The following MYT1L variants were observed in gnomAD, a reference collection of about 807,000 sequenced individuals.
MYT1L encodes the protein myelin transcription factor 1-like protein.
A neutral mutation model predicts 126.7 loss-of-function variants in MYT1L; 12 were observed. That is an observed-to-expected ratio of 0.09 (90% CI 0.06 to 0.15). MYT1L has a LOEUF of 0.15. MYT1L is among the 10% of genes least tolerant of loss of function. The pLI is 1.00. For missense variants in MYT1L, 979 were observed against 1,585.2 expected (o/e 0.62, Z 6.49); for synonymous variants, 541 against 604.2 (o/e 0.90, Z 1.53).
chr2:2,147,389 C>G (rs1403864608), intron 3 of MYT1L, among the ~76,000 whole-genome samples: 1 of 152,240 alleles, frequency 6.6e-6, no homozygotes, highest in Non-Finnish European at 1.5e-5. Flanking sequence ...ATGTGGGCTC[C>G]AAGCCCCTGG....
At position 1,889,432 on chromosome 2, in the gene MYT1L, T is replaced by C; in HGVS notation, c.2329A>G (p.Met777Val). ...CTGTCCCGCGGCCTCTGCTTGTTCA[T>C]GCTGAGGTCCAGGGTCCCGTTCTCA... Reference protein sequence around the residue: ...VDENGTLDLSMNKQRPRDSCC... With the variant: ...VDENGTLDLSVNKQRPRDSCC... Residue 777 changes from methionine (M) to valine (V), a missense_variant, in exon 16 of 25, where the codon ATG becomes GTG. Physicochemically the swap from Met to Val is conservative, Grantham distance 21. Coordinates refer to ENST00000647738, the MANE Select transcript of MYT1L (RefSeq NM_001303052.2). This position sits in a 1 kb window ranked among gnomAD's most constrained non-coding sequence, Gnocchi z 4.1. The C allele has an allele frequency of 6.2e-7, 1 of 1,613,300 alleles. No homozygotes were observed. Among genetic ancestry groups the C allele is most frequent in the Non-Finnish European group, 8.5e-7 (1 of 1,179,394 alleles).
At chr2:1,898,165 G>A (rs1356005845) in intron 14 of MYT1L, among the ~76,000 whole-genome samples, 1 of 151,928 alleles carries the variant, frequency 6.6e-6, no homozygotes, top group Admixed American at 6.5e-5. Flanking sequence ...ACCTTTTCTT[G>A]CAGAGAATAG....
intron 13 of MYT1L, among the ~76,000 whole-genome samples, chr2:1,904,663 G>A (rs1573429032): frequency 6.6e-6 from 1 of 151,866 alleles, no homozygotes; most frequent in South Asian, 2.1e-4. Flanking sequence ...GAGCCACCAC[G>A]CCTGGCCATA....
chr2:2,225,759 T>TA (rs917966379), intron 2 of MYT1L, among the ~76,000 whole-genome samples: 30 of 150,842 alleles, frequency 2.0e-4, no homozygotes, highest in Non-Finnish European at 4.0e-4. Context: ...TATACAAATG[T>TA]AAAAAAAAAT....
At chr2:1,973,222 C>A (rs1359328836) in intron 8 of MYT1L, among the ~76,000 whole-genome samples, 4 of 152,188 alleles carry the variant, frequency 2.6e-5, no homozygotes, top group Non-Finnish European at 5.9e-5. Flanking sequence ...AATGTCTTAG[C>A]ATGTGTATCA....
intron 22 of MYT1L, among the ~76,000 whole-genome samples, chr2:1,802,452 G>A (rs1456203352): frequency 1.3e-5 from 2 of 152,158 alleles, no homozygotes; most frequent in Non-Finnish European, 2.9e-5. Context: ...TCGACATTTA[G>A]CAAATAAAAA....
At chr2:1,944,350 A>AAT (rs2149270594) in intron 8 of MYT1L, among the ~76,000 whole-genome samples, 1 of 152,272 alleles carries the variant, frequency 6.6e-6, no homozygotes, top group African/African-American at 2.4e-5. Flanking sequence ...TTGTAGAAAT[A>AAT]ATATATATAC....
At chr2:2,232,463 C>T (rs2094183973) in intron 2 of MYT1L, among the ~76,000 whole-genome samples, 1 of 150,792 alleles carries the variant, frequency 6.6e-6, no homozygotes, top group East Asian at 1.9e-4. Context: ...TGCTCTTCTA[C>T]CCACTTCATT....
intron 2 of MYT1L, among the ~76,000 whole-genome samples, chr2:2,177,525 C>G (rs1559237467): frequency 6.6e-6 from 1 of 152,142 alleles, no homozygotes; most frequent in Admixed American, 6.5e-5. Flanking sequence ...TCTCACACTG[C>G]TAGAAAGAAC....
At chr2:1,994,197 G>A (rs967215498) in intron 5 of MYT1L, among the ~76,000 whole-genome samples, 4 of 152,158 alleles carry the variant, frequency 2.6e-5, no homozygotes, top group Non-Finnish European at 5.9e-5. Context: ...TTGCATTTTG[G>A]GGTGAGTGGC....
chr2:1,823,055 G>A (rs1248981583), intron 21 of MYT1L, among the ~76,000 whole-genome samples: 5 of 152,140 alleles, frequency 3.3e-5, no homozygotes, highest in South Asian at 2.1e-4. Flanking sequence ...ATTGCACCTC[G>A]TTTTCTTTTT....
intron 2 of MYT1L, among the ~76,000 whole-genome samples, chr2:2,272,036 G>C (rs778152095): frequency 6.6e-6 from 1 of 152,166 alleles, no homozygotes; most frequent in Non-Finnish European, 1.5e-5. Context: ...GCATCCTGGC[G>C]AGGCCTCGCC....
chr2:1,848,320 A>G lies in MYT1L; in HGVS notation c.2774+3321T>C, dbSNP rs11127309. On this transcript the variant is annotated intron_variant, in intron 19 of 24. Transcript: ENST00000647738. The surrounding 1 kb of genome is among the most constrained non-coding windows in gnomAD (Gnocchi z 4.8). Reference sequence around the variant, plus strand: ...AGGCATTTGTCCTGGGAGCAGGAGGAAGAATTCCAGACACCACGGAAGCGC... The same window carrying G: ...AGGCATTTGTCCTGGGAGCAGGAGGGAGAATTCCAGACACCACGGAAGCGC... Among the ~76,000 whole-genome samples the G allele has an allele frequency of 1.4e-4, 7 of 49,654 alleles. No homozygotes were observed. The highest frequency in any genetic ancestry group is 7.1e-4 in the African/African-American group (5 of 7,004). The allele number at this position is 49,654 out of a possible 152,430, so 32.6% of individuals were successfully genotyped here. A position where few individuals can be genotyped will look rare whatever the true frequency, so the allele number is the denominator to read the frequency against.
intron 2 of MYT1L, among the ~76,000 whole-genome samples, chr2:2,254,498 C>A (rs565032808): frequency 6.6e-6 from 1 of 152,180 alleles, no homozygotes. Flanking sequence ...GCTGCATTGC[C>A]GTGGTGGCCT....
In MYT1L at chr2:1,793,661, G is replaced by T. The variant is rs1033389939; in HGVS notation, c.3277-1197C>A. ...TCAGAGGCGCCCTCCAGGATGAAGTGGGGAGGGCCGGCCTTCTCCTTGGAA... is the reference window on the plus strand; with the variant it reads ...TCAGAGGCGCCCTCCAGGATGAAGTTGGGAGGGCCGGCCTTCTCCTTGGAA... On this transcript the variant is annotated intron_variant, in intron 23 of 24. Transcript: ENST00000647738. This position sits in a 1 kb window ranked among gnomAD's most constrained non-coding sequence, Gnocchi z 4.6. 6.6e-6 allele frequency among the ~76,000 whole-genome samples: 1 copy of T among 152,150 alleles called. No individual in the cohort carries two copies. Among genetic ancestry groups the T allele is most frequent in the Non-Finnish European group, 1.5e-5 (1 of 68,028 alleles).
intron 3 of MYT1L, among the ~76,000 whole-genome samples, chr2:2,142,827 C>T (rs1034914109): frequency 6.6e-6 from 1 of 151,766 alleles, no homozygotes; most frequent in African/African-American, 2.4e-5. Context: ...GCTGGGATTA[C>T]AGGCACGCAC....
At chr2:2,061,489 A>G (rs1317240902) in intron 3 of MYT1L, among the ~76,000 whole-genome samples, 4 of 152,116 alleles carry the variant, frequency 2.6e-5, no homozygotes, top group Non-Finnish European at 5.9e-5. Flanking sequence ...CCTTGCAACA[A>G]CCTTGAGAAC....
chr2:1,964,039 C>G (rs910364296), intron 8 of MYT1L, among the ~76,000 whole-genome samples: 1 of 152,298 alleles, frequency 6.6e-6, no homozygotes, highest in Non-Finnish European at 1.5e-5. Context: ...GCATTTCCAG[C>G]TTTTGATTTA....
At chr2:1,897,846 CTG>C (rs2148918514) in intron 14 of MYT1L, among the ~76,000 whole-genome samples, 1 of 152,306 alleles carries the variant, frequency 6.6e-6, no homozygotes, top group African/African-American at 2.4e-5. Context: ...CAGAACATCA[CTG>C]TATGTTACGA....
Sources: gnomAD v4.1 joint callset for allele counts (sites outside exome capture counted in the v4.1 genomes callset) on GRCh38, gnomAD v4.1.1 for gene constraint, Gnocchi (gnomAD v3.1) non-coding constraint, MANE v1.5 for transcripts, NCBI Gene and HGNC (gene_info 2026-07-23, HGNC 2026-07-21) for gene names.